Variants in NALF1 observed in about 807,000 individuals in gnomAD.
NALF1 encodes family with sequence similarity 155 member A.
NALF1 carries 3 observed loss-of-function variants against 48.4 expected under a neutral mutation model. The ratio of observed to expected loss-of-function variants is 0.06; its 90% CI spans 0.03 to 0.16. NALF1 has a LOEUF of 0.16. Ranked by LOEUF, NALF1 falls within the 10% of genes least tolerant of loss-of-function variation. The pLI is 1.00. For missense variants in NALF1, 526 were observed against 571.5 expected, an observed-to-expected ratio of 0.92 and a Z score of 0.81; for synonymous variants, 262 against 245.7, an observed-to-expected ratio of 1.07 and a Z score of -0.62.
intron 1 of NALF1, among the ~76,000 whole-genome samples, chr13:107,267,600 C>T (rs780651419): frequency 6.6e-6 from 1 of 152,110 alleles, no homozygotes; most frequent in African/African-American, 2.4e-5. Flanking sequence ...CCAGTGGATG[C>T]CTGAAACCAC....
intron 1 of NALF1, among the ~76,000 whole-genome samples, chr13:107,298,281 C>T (rs752560248): frequency 1.6e-4 from 20 of 121,866 alleles, no homozygotes; most frequent in Non-Finnish European, 2.4e-4. Context: ...ACTCAGGAGG[C>T]GGAGCTTGCA....
intron 1 of NALF1, among the ~76,000 whole-genome samples, chr13:107,713,391 C>T (rs1215586684): frequency 2.0e-5 from 3 of 152,172 alleles, no homozygotes; most frequent in African/African-American, 4.8e-5. Flanking sequence ...ATGATATCAA[C>T]ATGTAATGAT....
intron 1 of NALF1, among the ~76,000 whole-genome samples, chr13:107,443,793 TGAGAAGGGGTCCTA>T (rs1458095185): frequency 2.0e-5 from 3 of 152,176 alleles, no homozygotes; most frequent in African/African-American, 7.2e-5. Flanking sequence ...ATTAAATTTA[TGAGAAGGGGTCCTA>T]GAGAAATATT....
At chr13:107,350,081 C>T (rs567134787) in intron 1 of NALF1, among the ~76,000 whole-genome samples, 22 of 152,216 alleles carry the variant, frequency 1.4e-4, no homozygotes, top group East Asian at 7.8e-4. Flanking sequence ...ACTGATCTGA[C>T]GGGAGGCAGA....
At chr13:107,474,480 T>C (rs1885148328) in intron 1 of NALF1, among the ~76,000 whole-genome samples, 1 of 152,216 alleles carries the variant, frequency 6.6e-6, no homozygotes, top group Non-Finnish European at 1.5e-5. Context: ...TATGGTTTAC[T>C]AGAACTAATA....
chr13:107,205,895 C>T (rs1209878696), intron 2 of NALF1, among the ~76,000 whole-genome samples: 1 of 151,956 alleles, frequency 6.6e-6, no homozygotes, highest in Non-Finnish European at 1.5e-5. Context: ...TCAAGGATTT[C>T]TCCAGGGGAC....
At chr13:107,192,929 G>A (rs936604664) in intron 2 of NALF1, among the ~76,000 whole-genome samples, 10 of 151,982 alleles carry the variant, frequency 6.6e-5, no homozygotes, top group African/African-American at 2.4e-4. Context: ...TAAGTACATG[G>A]AAATAAGTAT....
chr13:107,440,685 T>C lies in NALF1; in HGVS notation c.916-229930A>G, dbSNP rs2139025753. On this transcript the variant is annotated intron_variant, in intron 1 of 2. Transcript: ENST00000375915. ...CACGTGTTTTTGTGGTTTATTCTTA[T>C]TTGAGAGGATGGTAATACAGAATCT... 2.0e-5 allele frequency among the ~76,000 whole-genome samples: 3 copies of C among 152,292 alleles called. No homozygotes were observed. The South Asian group carries it at 6.2e-4, about 32-fold the overall frequency.
At chr13:107,735,199 G>C (rs945598773) in intron 1 of NALF1, among the ~76,000 whole-genome samples, 3 of 152,128 alleles carry the variant, frequency 2.0e-5, no homozygotes, top group Admixed American at 6.6e-5. Context: ...CCAGGAAAGA[G>C]GACTGTGATA....
At chr13:107,738,398 G>C (rs1223588882) in intron 1 of NALF1, among the ~76,000 whole-genome samples, 4 of 152,120 alleles carry the variant, frequency 2.6e-5, no homozygotes, top group Non-Finnish European at 4.4e-5. Flanking sequence ...AACTATGTTA[G>C]TCTCATAAGA....
chr13:107,203,715 C>T (rs1879572121), intron 2 of NALF1, among the ~76,000 whole-genome samples: 1 of 152,194 alleles, frequency 6.6e-6, no homozygotes, highest in South Asian at 2.1e-4. Flanking sequence ...AGCACAGACA[C>T]TTCTCAGGGC....
At chr13:107,213,430 T>C (rs919044002) in intron 1 of NALF1, among the ~76,000 whole-genome samples, 3 of 152,144 alleles carry the variant, frequency 2.0e-5, no homozygotes, top group Non-Finnish European at 4.4e-5. Flanking sequence ...CGTTATGAGC[T>C]ACCTCCTGGG....
At chr13:107,611,987 G>A (rs759847122) in intron 1 of NALF1, among the ~76,000 whole-genome samples, 2 of 142,562 alleles carry the variant, frequency 1.4e-5, no homozygotes, top group Non-Finnish European at 3.1e-5. Flanking sequence ...GAAGAGAAGA[G>A]GAGAGGAGAG....
At chr13:107,563,309 T>C (rs1386644914) in intron 1 of NALF1, among the ~76,000 whole-genome samples, 1 of 152,158 alleles carries the variant, frequency 6.6e-6, no homozygotes, top group Non-Finnish European at 1.5e-5. Context: ...CCAGAGCACA[T>C]TGATCCGTTG....
chr13:107,252,451 A>G (rs970030833), intron 1 of NALF1, among the ~76,000 whole-genome samples: 3 of 151,804 alleles, frequency 2.0e-5, no homozygotes, highest in East Asian at 3.9e-4. Flanking sequence ...AGAGAGGGAC[A>G]GACACAGAGA....
intron 1 of NALF1, among the ~76,000 whole-genome samples, chr13:107,380,840 T>A (rs986205916): frequency 6.6e-6 from 1 of 150,810 alleles, no homozygotes; most frequent in Non-Finnish European, 1.5e-5. Context: ...TAGCCGGGCG[T>A]AGTGGCGGGC....
chr13:107,627,077 A>C (rs769584716), intron 1 of NALF1, among the ~76,000 whole-genome samples: 1 of 151,960 alleles, frequency 6.6e-6, no homozygotes, highest in Non-Finnish European at 1.5e-5. Flanking sequence ...GTACACTAAA[A>C]ATTGAATCAC....
intron 1 of NALF1, among the ~76,000 whole-genome samples, chr13:107,504,564 C>T (rs1875636296): frequency 6.6e-6 from 1 of 152,124 alleles, no homozygotes; most frequent in Non-Finnish European, 1.5e-5. Context: ...ATTAAAAACT[C>T]AATTCCTTTA....
At chr13:107,780,336 G>A (rs1343553482) in intron 1 of NALF1, among the ~76,000 whole-genome samples, 4 of 151,658 alleles carry the variant, frequency 2.6e-5, no homozygotes, top group South Asian at 2.1e-4. Context: ...TTTTGCTTGC[G>A]TTCAACACTG....
Sources: allele counts gnomAD v4.1 joint callset (sites outside exome capture counted in the v4.1 genomes callset), GRCh38; gene constraint gnomAD v4.1.1; transcripts MANE v1.5; gene names NCBI Gene and HGNC (gene_info 2026-07-23, HGNC 2026-07-21).